DPP10: variants seen among roughly 807,000 people sequenced by gnomAD.
DPP10 encodes the protein inactive dipeptidyl peptidase 10.
In DPP10, 33 loss-of-function variants were observed where a neutral mutation model predicts 120.9. The ratio of observed to expected loss-of-function variants is 0.27; its 90% CI spans 0.21 to 0.37. DPP10 has a LOEUF of 0.37. Among genes scored for constraint, DPP10 ranks in the 10% least tolerant of loss-of-function variants. DPP10 has a pLI of 1.00. For synonymous variants in DPP10, 337 were observed against 326.1 expected (o/e 1.03, Z -0.36); for missense variants, 816 against 942.8 (o/e 0.87, Z 1.76).
chr2:115,825,579 C>A (rs980509904), intron 21 of DPP10, among the ~76,000 whole-genome samples: 1 of 152,110 alleles, frequency 6.6e-6, no homozygotes, highest in Non-Finnish European at 1.5e-5. Flanking sequence ...CTCTGGATAT[C>A]CAAACTTTAT....
At chr2:114,977,719 A>G (rs916678278) in intron 1 of DPP10, among the ~76,000 whole-genome samples, 1 of 151,988 alleles carries the variant, frequency 6.6e-6, no homozygotes, top group Non-Finnish European at 1.5e-5. Context: ...CATTCTAAAA[A>G]TTTTCCCTGG....
chr2:115,282,152 A>G (rs1179207783), intron 1 of DPP10, among the ~76,000 whole-genome samples: 1 of 152,068 alleles, frequency 6.6e-6, no homozygotes, highest in African/African-American at 2.4e-5. Context: ...AAAGTGATAT[A>G]TATCCCAACA....
chr2:115,106,356 C>A (rs2048943497), intron 1 of DPP10, among the ~76,000 whole-genome samples: 1 of 152,102 alleles, frequency 6.6e-6, no homozygotes, highest in Non-Finnish European at 1.5e-5. Context: ...GGACTCTCAC[C>A]CCAAGAGAAA....
intron 1 of DPP10, among the ~76,000 whole-genome samples, chr2:114,455,811 T>C (rs1340507727): frequency 1.3e-5 from 2 of 151,826 alleles, no homozygotes; most frequent in Non-Finnish European, 2.9e-5. Context: ...TCTAGCCCTC[T>C]GTATTCAGTA....
At chr2:115,130,788 CTT>C (rs2050314881) in intron 1 of DPP10, 1 of 152,174 alleles carries the variant, frequency 6.6e-6, no homozygotes, top group African/African-American at 2.4e-5. Context: ...ATTGAAAAGT[CTT>C]TCTCAACTCC....
chr2:115,621,420 T>C (rs1280496846), intron 5 of DPP10, among the ~76,000 whole-genome samples: 1 of 152,218 alleles, frequency 6.6e-6, no homozygotes, highest in Admixed American at 6.5e-5. Context: ...GATACACAGT[T>C]GACACAAGAC....
At chr2:114,969,538 C>T (rs750417080) in intron 1 of DPP10, among the ~76,000 whole-genome samples, 1 of 152,024 alleles carries the variant, frequency 6.6e-6, no homozygotes, top group Non-Finnish European at 1.5e-5. Flanking sequence ...ATTATAAACC[C>T]CTTGGATTGA....
At chr2:115,675,975 G>A (rs948229814) in intron 5 of DPP10, among the ~76,000 whole-genome samples, 1 of 152,148 alleles carries the variant, frequency 6.6e-6, no homozygotes, top group Non-Finnish European at 1.5e-5. Context: ...CTGTTGTACT[G>A]AAGCACATGC....
chr2:115,774,760 A>C (rs1307120536), intron 13 of DPP10, among the ~76,000 whole-genome samples: 1 of 152,170 alleles, frequency 6.6e-6, no homozygotes, highest in Non-Finnish European at 1.5e-5. Context: ...CATACCAATA[A>C]GACAGAAAAT....
At chr2:114,497,364 T>C (rs1478714985) in intron 1 of DPP10, among the ~76,000 whole-genome samples, 1 of 140,018 alleles carries the variant, frequency 7.1e-6, no homozygotes, top group East Asian at 2.1e-4. Context: ...TACATATACA[T>C]ACACATGTAC....
chr2:115,140,465 A>G (rs2050869319), intron 1 of DPP10, among the ~76,000 whole-genome samples: 1 of 152,170 alleles, frequency 6.6e-6, no homozygotes, highest in Admixed American at 6.5e-5. Context: ...GCTCTAGGAA[A>G]CTTGGCTTTT....
At chr2:114,528,001 A>G (rs569712691) in intron 1 of DPP10, among the ~76,000 whole-genome samples, 7 of 152,198 alleles carry the variant, frequency 4.6e-5, no homozygotes, top group Non-Finnish European at 8.8e-5. Context: ...TGTCTCACAC[A>G]ATAAAGAGAT....
chr2:114,655,697 C>A (rs1427865201), intron 1 of DPP10, among the ~76,000 whole-genome samples: 1 of 151,998 alleles, frequency 6.6e-6, no homozygotes, highest in Non-Finnish European at 1.5e-5. Context: ...GTTCTTAAAG[C>A]ATTCAGCTTA....
chr2:114,577,380 T>C (rs575974456), intron 1 of DPP10, among the ~76,000 whole-genome samples: 4 of 152,248 alleles, frequency 2.6e-5, no homozygotes, highest in Non-Finnish European at 5.9e-5. Flanking sequence ...GTAGAGAACA[T>C]TGGGAGGACA....
intron 5 of DPP10, among the ~76,000 whole-genome samples, chr2:115,655,037 C>T (rs1303175518): frequency 6.6e-6 from 1 of 151,404 alleles, no homozygotes; most frequent in Admixed American, 6.6e-5. Context: ...AAAATTATTC[C>T]TCTAAGTGTA....
intron 1 of DPP10, among the ~76,000 whole-genome samples, chr2:114,916,586 G>C (rs1158075243): frequency 6.6e-6 from 1 of 152,066 alleles, no homozygotes; most frequent in Non-Finnish European, 1.5e-5. Flanking sequence ...CAAAATACAA[G>C]AAAATCAACT....
At chr2:114,608,915 G>A (rs181239803) in intron 1 of DPP10, among the ~76,000 whole-genome samples, 97 of 152,206 alleles carry the variant, frequency 6.4e-4, no homozygotes, top group Middle Eastern at 3.4e-3. Context: ...GACGGCAAGG[G>A]TTGAAAAACT....
chr2:115,676,487 A>G (rs1426929896), intron 5 of DPP10, among the ~76,000 whole-genome samples: 1 of 152,208 alleles, frequency 6.6e-6, no homozygotes, highest in Non-Finnish European at 1.5e-5. Context: ...GAAATTCAAT[A>G]AAAAGATAGC....
chr2:115,222,959 A>G (rs953446173), intron 1 of DPP10, among the ~76,000 whole-genome samples: 3 of 152,158 alleles, frequency 2.0e-5, no homozygotes, highest in Admixed American at 1.3e-4. Context: ...TTGGATAATC[A>G]ATGTAATGAA....
Sources: gnomAD v4.1 joint callset for allele counts (sites outside exome capture counted in the v4.1 genomes callset) on GRCh38, gnomAD v4.1.1 for gene constraint, MANE v1.5 for transcripts, NCBI Gene and HGNC (gene_info 2026-07-23, HGNC 2026-07-21) for gene names.